TICRR: variants seen among roughly 807,000 people sequenced by gnomAD.
The protein encoded by TICRR is treslin.
Under a neutral mutation model 178.1 loss-of-function variants are expected in TICRR, and 132 were observed. The observed-to-expected ratio is 0.74, with a 90% CI of 0.64 to 0.86. The LOEUF is 0.86. TICRR is among the 40% of genes least tolerant of loss of function. The probability of loss-of-function intolerance (pLI) is 0.00; values close to 1 mark genes in which losing one functional copy is unlikely to be tolerated. For synonymous variants in TICRR, 991 were observed against 900.7 expected, an observed-to-expected ratio of 1.10 and a Z score of -1.79; for missense variants, 2,587 against 2,334.3, an observed-to-expected ratio of 1.11 and a Z score of -2.23.
chr15:89,601,253 A>G (rs981546479), intron 9 of TICRR, 45 bp from the exon 10 acceptor site: 2 of 1,555,860 alleles, frequency 1.3e-6, no homozygotes, highest in African/African-American at 1.4e-5. Flanking sequence ...CTTTTTGTTT[A>G]GTGACATCCA....
chr15:89,584,109 C>T (rs190961967), intron 2 of TICRR, among the ~76,000 whole-genome samples, 177 bp from the exon 3 acceptor site: 2 of 152,310 alleles, frequency 1.3e-5, no homozygotes, highest in East Asian at 3.9e-4. Flanking sequence ...GCTATGATGA[C>T]TTGGCAGTAG....
chr15:89,604,998 T>C (rs1018765264), intron 13 of TICRR, among the ~76,000 whole-genome samples: 3 of 152,186 alleles, frequency 2.0e-5, no homozygotes, highest in African/African-American at 7.2e-5. Context: ...CATTAATGTA[T>C]ATTAATTTCT....
At chr15:89,623,028 G>A (rs1963452064) in intron 19 of TICRR, among the ~76,000 whole-genome samples, 1 of 152,234 alleles carries the variant, frequency 6.6e-6, no homozygotes, top group African/African-American at 2.4e-5. Context: ...GAAGGCTGTA[G>A]GAAAGATAAG....
At position 89,600,669 on chromosome 15, in the gene TICRR, G is replaced by A. The variant is rs1328038194; in HGVS notation, c.2137G>A (p.Glu713Lys). The A allele has an allele frequency of 6.4e-7, 1 of 1,564,824 alleles. No individual in the cohort carries two copies. The highest frequency in any genetic ancestry group is 8.7e-7 in the Non-Finnish European group (1 of 1,144,366). The change falls in exon 9 of 22, where the codon GAA becomes AAA. Residue 713 changes from glutamate to lysine, a missense_variant. Glu to Lys is a moderately conservative substitution (Grantham distance 56). Coordinates refer to ENST00000268138, the MANE Select transcript of TICRR (RefSeq NM_152259.4). Reference protein sequence around the residue: ...RQNLGKKLDKEDKVRECQLQV... With the variant: ...RQNLGKKLDKKDKVRECQLQV... ...GAATCTAGGAAAAAAACTGGATAAG[G>A]AAGACAAAGTTAGAGAGTAAGTAAC...
intron 13 of TICRR, among the ~76,000 whole-genome samples, chr15:89,605,938 A>C (rs1963169882): frequency 6.6e-6 from 1 of 152,208 alleles, no homozygotes; most frequent in Non-Finnish European, 1.5e-5. Flanking sequence ...CAGTCTGATA[A>C]AGAAATGTTT....
At chr15:89,606,917 T>G in intron 14 of TICRR, 92 bp downstream of exon 14, 2 of 1,083,180 alleles carry the variant, frequency 1.8e-6, no homozygotes, top group Non-Finnish European at 2.8e-6. Context: ...CAGGTGTAAA[T>G]TAAGGCTTTG....
chr15:89,608,672 G>A lies in TICRR; in HGVS notation c.2723-131G>A, dbSNP rs376968483. 2.2e-5 allele frequency: 15 copies of A among 695,354 alleles called. No homozygotes were observed. In the East Asian group the frequency reaches 3.1e-4, roughly 14 times the overall value. 43.1% of individuals were successfully genotyped at this position (695,354 alleles called of 1,614,324 possible). The stretch of plus-strand genomic sequence containing the variant: ...TATGCTATTTAAGGAAACCTTATTA[G>A]CATATGTGACAATAGCAATCTGTAG... On this transcript the variant is annotated intron_variant, in intron 14 of 21. Transcript: ENST00000268138.
chr15:89,626,676 G>C (rs958197673), intron 21 of TICRR, among the ~76,000 whole-genome samples: 2 of 152,092 alleles, frequency 1.3e-5, no homozygotes, highest in Non-Finnish European at 2.9e-5. Flanking sequence ...CCAGAGATCT[G>C]AGACCTAGAA....
intron 15 of TICRR, among the ~76,000 whole-genome samples, chr15:89,614,832 C>T (rs1386838653): frequency 6.6e-6 from 1 of 152,202 alleles, no homozygotes; most frequent in Non-Finnish European, 1.5e-5. Flanking sequence ...TCCTTAAATG[C>T]CTGGAACCCA....
intron 4 of TICRR, among the ~76,000 whole-genome samples, chr15:89,588,520 A>G (rs2141956416): frequency 6.6e-6 from 1 of 152,280 alleles, no homozygotes; most frequent in South Asian, 2.1e-4. Context: ...AGGACAGGCG[A>G]TCAGATCAAT....
Position 89,575,922 on chromosome 15 carries a change from G to C in TICRR, c.336G>C (p.Gln112His), listed in dbSNP as rs754876698. 2 of 1,594,050 alleles carry C rather than the reference G, an allele frequency of 1.3e-6. No homozygotes were observed. Among genetic ancestry groups the C allele is most frequent in the African/African-American group, 1.3e-5 (1 of 74,670 alleles). Residue 112 changes from glutamine (Q) to histidine (H), a missense_variant, in exon 1 of 22, where the codon CAG (glutamine) becomes CAC (histidine). Gln to His is a conservative substitution (Grantham distance 24). Coordinates refer to ENST00000268138, the MANE Select transcript of TICRR (RefSeq NM_152259.4). ...GALMETLLDY[Q>H]WDRPEITSPT... ...TGATGGAGACGCTGCTAGACTACCA[G>C]TGGGACCGGCCCGAGATCACGTCGC...
Position 89,616,347 on chromosome 15 carries a change from T to C in TICRR, c.2870-58T>C, listed in dbSNP as rs1963334946. 5 of 1,490,572 alleles carry C rather than the reference T, an allele frequency of 3.4e-6. No individual in the cohort carries two copies. In the Admixed American group the frequency reaches 6.8e-5, roughly 20 times the overall value. 92.3% of individuals were successfully genotyped at this position (1,490,572 alleles called of 1,614,324 possible). ...GTTCAAACTGCTCCCTTGGCCTTACTGCTGCTTCTTGATGAGGTTAAATGA... is the reference window on the plus strand; with the variant it reads ...GTTCAAACTGCTCCCTTGGCCTTACCGCTGCTTCTTGATGAGGTTAAATGA... On this transcript the variant is annotated intron_variant, in intron 15 of 21. Transcript: ENST00000268138.
In TICRR at chr15:89,627,376, A is replaced by C; in HGVS notation, c.*290A>C. Reference sequence around the variant, plus strand: ...AGGAATCCCATTCCAGCCTCACCCCAACCATGACCTTGGCAAGTCAGGGGG... The same window carrying C: ...AGGAATCCCATTCCAGCCTCACCCCCACCATGACCTTGGCAAGTCAGGGGG... On this transcript the variant is annotated 3_prime_UTR_variant, in exon 22 of 22. Coordinates refer to ENST00000268138, the MANE Select transcript of TICRR (RefSeq NM_152259.4). The C allele has an allele frequency of 2.7e-6, 1 of 377,210 alleles. No homozygotes were observed. Among genetic ancestry groups the C allele is most frequent in the East Asian group, 4.5e-5 (1 of 22,086 alleles). 23.4% of individuals were successfully genotyped at this position (377,210 alleles called of 1,614,324 possible).
intron 15 of TICRR, among the ~76,000 whole-genome samples, chr15:89,609,960 A>G (rs936481069): frequency 6.6e-6 from 1 of 152,158 alleles, no homozygotes; most frequent in Non-Finnish European, 1.5e-5. Flanking sequence ...CATCATCTCA[A>G]AATATTTTCT....
chr15:89,610,022 A>G (rs1185628610), intron 15 of TICRR, among the ~76,000 whole-genome samples: 1 of 152,136 alleles, frequency 6.6e-6, no homozygotes, highest in Non-Finnish European at 1.5e-5. Context: ...GGAGCGCATT[A>G]ATTTCCACAT....
Position 89,602,912 on chromosome 15 carries a change from T to A in TICRR, c.2664+20T>A. 7.3e-7 allele frequency: 1 copy of A among 1,366,192 alleles called. No homozygotes were observed. Among genetic ancestry groups the A allele is most frequent in the Non-Finnish European group, 9.8e-7 (1 of 1,022,642 alleles). 84.6% of individuals were successfully genotyped at this position (1,366,192 alleles called of 1,614,324 possible). A position where few individuals can be genotyped will look rare whatever the true frequency, so the allele number is the denominator to read the frequency against. ...AAAAAAGTAAGTAAACCTTCCAGCT[T>A]GAGATGACACAGTAAATAAGAACAA... On this transcript the variant is annotated intron_variant, in intron 13 of 21. Coordinates refer to ENST00000268138, the MANE Select transcript of TICRR (RefSeq NM_152259.4).
At chr15:89,619,283 T>C in intron 17 of TICRR, among the ~76,000 whole-genome samples, 1 of 138,610 alleles carries the variant, frequency 7.2e-6, no homozygotes, top group Non-Finnish European at 1.5e-5. Context: ...TGGAGTGCAC[T>C]GGCATGCTCT....
At chr15:89,590,839 T>A (rs1217874247) in intron 4 of TICRR, among the ~76,000 whole-genome samples, 1 of 152,258 alleles carries the variant, frequency 6.6e-6, no homozygotes, top group South Asian at 2.1e-4. Flanking sequence ...TAAGTTTGAA[T>A]ACATTTTAAG....
At chr15:89,597,637 C>T (rs1043190907) in intron 7 of TICRR, among the ~76,000 whole-genome samples, 4 of 152,060 alleles carry the variant, frequency 2.6e-5, no homozygotes, top group Non-Finnish European at 4.4e-5. Context: ...GTCTTGATTA[C>T]TGTAGCTTTA....
Sources: gnomAD v4.1 joint callset for allele counts (sites outside exome capture counted in the v4.1 genomes callset) on GRCh38, gnomAD v4.1.1 for gene constraint, MANE v1.5 for transcripts, NCBI Gene and HGNC (gene_info 2026-07-23, HGNC 2026-07-21) for gene names.